Variants in FBXO11 observed in about 807,000 individuals in gnomAD.
FBXO11 encodes F-box protein 11, also known as F-box only protein 11.
FBXO11 carries 13 observed loss-of-function variants against 117.0 expected under a neutral mutation model. The observed-to-expected ratio is 0.11, with a 90% CI of 0.07 to 0.18. FBXO11 has a LOEUF of 0.18. Ranked by LOEUF, FBXO11 falls within the 10% of genes least tolerant of loss-of-function variation. The probability of loss-of-function intolerance (pLI) is 1.00; values close to 1 mark genes in which losing one functional copy is unlikely to be tolerated. For missense variants in FBXO11, 767 were observed against 1,164.4 expected, an observed-to-expected ratio of 0.66 and a Z score of 4.97; for synonymous variants, 490 against 380.5, an observed-to-expected ratio of 1.29 and a Z score of -3.35.
At chr2:47,900,697 CACACACGT>C (rs1678123199) in intron 1 of FBXO11, among the ~76,000 whole-genome samples, 3 of 90,920 alleles carry the variant, frequency 3.3e-5, no homozygotes, top group African/African-American at 8.6e-5. Flanking sequence ...CACACGTATA[CACACACGT>C]GTATATATAT....
chr2:47,810,146 G>C (rs573134771), intron 19 of FBXO11, 170 bp downstream of exon 19: 10 of 558,706 alleles, frequency 1.8e-5, no homozygotes, highest in Non-Finnish European at 2.5e-5. Flanking sequence ...GCTTAGAGTA[G>C]AAGAATCCAG....
intron 11 of FBXO11, among the ~76,000 whole-genome samples, chr2:47,825,571 CTTTTTTTT>C (rs751404253): frequency 1.8e-4 from 16 of 88,312 alleles, no homozygotes; most frequent in African/African-American, 7.2e-4. Context: ...TCTTCTTCTT[CTTTTTTTT>C]TTTTTTTTTT....
intron 3 of FBXO11, 34 bp from the exon 4 acceptor site, chr2:47,839,037 A>G (rs1672813454): frequency 6.4e-7 from 1 of 1,569,318 alleles, no homozygotes; most frequent in East Asian, 2.3e-5. Context: ...CTATCATTCG[A>G]GCAATAACTT....
intron 1 of FBXO11, among the ~76,000 whole-genome samples, chr2:47,882,070 T>C (rs922016598): frequency 1.3e-5 from 2 of 152,136 alleles, no homozygotes; most frequent in East Asian, 1.9e-4. Flanking sequence ...TTTATGTCTA[T>C]ATATAAATTC....
chr2:47,859,682 C>T (rs894432063), intron 1 of FBXO11, among the ~76,000 whole-genome samples: 2 of 152,202 alleles, frequency 1.3e-5, no homozygotes. Context: ...GGGGGGTTTA[C>T]ACCCTTCAAG....
intron 1 of FBXO11, among the ~76,000 whole-genome samples, chr2:47,888,040 A>G (rs919526660): frequency 1.3e-5 from 2 of 151,990 alleles, no homozygotes; most frequent in Admixed American, 6.6e-5. Flanking sequence ...CTAAAAAATG[A>G]AAGATATATA....
intron 1 of FBXO11, among the ~76,000 whole-genome samples, chr2:47,899,831 CAG>C (rs1170282215): frequency 2.6e-5 from 4 of 151,026 alleles, no homozygotes; most frequent in Admixed American, 6.6e-5. Context: ...TGGGACAAGA[CAG>C]AAACAAAATA....
At chr2:47,897,612 A>G in intron 1 of FBXO11, among the ~76,000 whole-genome samples, 1 of 150,082 alleles carries the variant, frequency 6.7e-6, no homozygotes, top group Non-Finnish European at 1.5e-5. Context: ...CAGGAGAATC[A>G]CTTGAACTCA....
intron 13 of FBXO11, 50 bp from the exon 14 acceptor site, chr2:47,820,506 A>G: frequency 1.4e-6 from 2 of 1,417,548 alleles, no homozygotes; most frequent in East Asian, 2.3e-5. Flanking sequence ...CCTAGAGAAT[A>G]CAGTAAGGAT....
intron 1 of FBXO11, among the ~76,000 whole-genome samples, chr2:47,877,071 G>A (rs894682065): frequency 6.7e-6 from 1 of 149,348 alleles, no homozygotes; most frequent in Non-Finnish European, 1.5e-5. Flanking sequence ...GTCTTGCTCT[G>A]TTGCCCTGGC....
Position 47,875,173 on chromosome 2 carries a change from G to T in FBXO11, c.232+30316C>A, listed in dbSNP as rs151076384. On this transcript the variant is annotated intron_variant, in intron 1 of 22. Transcript: ENST00000403359. The stretch of plus-strand genomic sequence containing the variant: ...CAGTCCAACATGGCAGCCAGCCACC[G>T]TGAAGTAAGAGTAATTGTAAGTTGT... 1.6e-4 allele frequency among the ~76,000 whole-genome samples: 25 copies of T among 152,160 alleles called. No homozygotes were observed. The East Asian group carries it at 4.6e-3, about 28-fold the overall frequency.
intron 1 of FBXO11, among the ~76,000 whole-genome samples, chr2:47,874,008 T>A (rs371146954): frequency 6.6e-6 from 1 of 151,854 alleles, no homozygotes; most frequent in East Asian, 1.9e-4. Context: ...GGGTCAAGCG[T>A]TTGAGACCAG....
intron 1 of FBXO11, among the ~76,000 whole-genome samples, chr2:47,886,336 T>C (rs535208186): frequency 1.7e-4 from 26 of 151,868 alleles, no homozygotes; most frequent in African/African-American, 6.3e-4. Context: ...GAAACTCCCG[T>C]CTCTACTAAA....
At chr2:47,864,383 T>C (rs1172460024) in intron 1 of FBXO11, among the ~76,000 whole-genome samples, 1 of 151,406 alleles carries the variant, frequency 6.6e-6, no homozygotes, top group Admixed American at 6.6e-5. Flanking sequence ...AGGTCAGGAG[T>C]TCAAGACCAG....
At chr2:47,838,520 T>C (rs1003649442) in intron 4 of FBXO11, among the ~76,000 whole-genome samples, 1 of 150,238 alleles carries the variant, frequency 6.7e-6, no homozygotes, top group African/African-American at 2.5e-5. Context: ...TTTCCAAAAG[T>C]GATATATAAA....
At chr2:47,818,405 T>C (rs1671155622) in intron 16 of FBXO11, 2 of 169,288 alleles carry the variant, frequency 1.2e-5, no homozygotes, top group South Asian at 3.9e-4. Context: ...CTATTAATTT[T>C]ACAGAAATAG....
chr2:47,859,118 A>G (rs905565242), intron 1 of FBXO11, among the ~76,000 whole-genome samples: 1 of 152,034 alleles, frequency 6.6e-6, no homozygotes, highest in African/African-American at 2.4e-5. Context: ...TCATATCAAC[A>G]TTTACTTCAA....
chr2:47,879,373 C>T (rs1000589077), intron 1 of FBXO11, among the ~76,000 whole-genome samples: 1 of 152,168 alleles, frequency 6.6e-6, no homozygotes, highest in African/African-American at 2.4e-5. Flanking sequence ...AATTTGTATT[C>T]TCAATAGCAG....
At chr2:47,852,579 A>G (rs753025286) in intron 1 of FBXO11, among the ~76,000 whole-genome samples, 6 of 152,148 alleles carry the variant, frequency 3.9e-5, no homozygotes, top group Non-Finnish European at 8.8e-5. Flanking sequence ...TGGACTCTAG[A>G]TATGATGTTT....
Sources: allele counts gnomAD v4.1 joint callset (sites outside exome capture counted in the v4.1 genomes callset), GRCh38; gene constraint gnomAD v4.1.1; transcripts MANE v1.5; gene names NCBI Gene and HGNC (gene_info 2026-07-23, HGNC 2026-07-21).